Variants in PCDHGA9 observed in about 807,000 individuals in gnomAD.
The protein encoded by PCDHGA9 is protocadherin gamma subfamily A, 9.
A neutral mutation model predicts 62.5 loss-of-function variants in PCDHGA9; 37 were observed. That is an observed-to-expected ratio of 0.59 (90% CI 0.46 to 0.78). The LOEUF (loss-of-function observed/expected upper bound fraction) is 0.78. Among genes scored for constraint, PCDHGA9 ranks in the 30% least tolerant of loss-of-function variants. PCDHGA9 has a pLI of 0.00. For missense variants in PCDHGA9, 1,138 were observed against 1,166.2 expected, an observed-to-expected ratio of 0.98 and a Z score of 0.35; for synonymous variants, 459 against 484.6, an observed-to-expected ratio of 0.95 and a Z score of 0.69.
intron 1 of PCDHGA9, chr5:141,418,640 A>G (rs1042874136): frequency 1.2e-6 from 2 of 1,614,042 alleles, no homozygotes; most frequent in Non-Finnish European, 1.7e-6. Flanking sequence ...AGGCACCTCC[A>G]TCCTGAGAGT....
chr5:141,490,405 ATC>A lies in PCDHGA9; in HGVS notation c.2425-4397_2425-4396del, dbSNP rs765446736. 1 of 1,614,142 alleles carries A rather than the reference ATC, an allele frequency of 6.2e-7. No individual in the cohort carries two copies. The highest frequency in any genetic ancestry group is 8.5e-7 in the Non-Finnish European group (1 of 1,180,028). ...TAGAAATGGTGAAGTGAGCCTTGATATCTCTCCGGACCTGCCATTTCAGATTA... is the reference window on the plus strand; with the variant it reads ...TAGAAATGGTGAAGTGAGCCTTGATATCTCCGGACCTGCCATTTCAGATTA... On this transcript the variant is annotated intron_variant, in intron 1 of 3. Transcript: ENST00000573521. The surrounding 1 kb of genome is among the most constrained non-coding windows in gnomAD (Gnocchi z 5.4).
chr5:141,410,068 C>A, intron 1 of PCDHGA9: 1 of 1,612,950 alleles, frequency 6.2e-7, no homozygotes. Context: ...TGGGGCTGCG[C>A]ACTGGGGAGG....
At position 141,490,181 on chromosome 5, in the gene PCDHGA9, G is replaced by A. The variant is rs755899660; in HGVS notation, c.2425-4626G>A. ...GGTCCCATAGACTTTGAGGAGTCACGTTTCTATGAAATTCATGCAAGAGCC... is the reference window on the plus strand; with the variant it reads ...GGTCCCATAGACTTTGAGGAGTCACATTTCTATGAAATTCATGCAAGAGCC... On this transcript the variant is annotated intron_variant, in intron 1 of 3. Coordinates refer to ENST00000573521, the MANE Select transcript of PCDHGA9 (RefSeq NM_018921.3). This position sits in a 1 kb window ranked among gnomAD's most constrained non-coding sequence, Gnocchi z 5.4. The A allele has an allele frequency of 9.9e-6, 16 of 1,614,200 alleles. No homozygotes were observed. Among genetic ancestry groups the A allele is most frequent in the Middle Eastern group, 1.6e-4 (1 of 6,062 alleles).
rs746046310 is a variant in PCDHGA9, at chr5:141,410,427, A to C, written c.2424+5051A>C. The C allele has an allele frequency of 1.9e-6, 3 of 1,613,714 alleles. No homozygotes were observed. The Admixed American group carries it at 5.0e-5, about 27-fold the overall frequency. On this transcript the variant is annotated intron_variant, in intron 1 of 3. Coordinates refer to ENST00000573521, the MANE Select transcript of PCDHGA9 (RefSeq NM_018921.3). ...AAGTCTGGACCTGTAGTTCCCCCCA[A>C]CTACAGTGAGGGGACTTTGCCTTAT...
At chr5:141,501,290 TACACACACACACACAC>T (rs55762287) in intron 2 of PCDHGA9, among the ~76,000 whole-genome samples, 7 of 136,164 alleles carry the variant, frequency 5.1e-5, no homozygotes, top group South Asian at 2.4e-4. Context: ...TATTCCCTTA[TACACACACACACACAC>T]ACACACACAC....
At chr5:141,507,809 C>G (rs866898784) in intron 3 of PCDHGA9, among the ~76,000 whole-genome samples, 1 of 152,206 alleles carries the variant, frequency 6.6e-6, no homozygotes, top group Non-Finnish European at 1.5e-5. Context: ...CCCTGGGGAA[C>G]GGACCCTGGG....
chr5:141,418,236 T>C, intron 1 of PCDHGA9: 8 of 1,614,030 alleles, frequency 5.0e-6, no homozygotes, highest in Non-Finnish European at 6.8e-6. Flanking sequence ...ATTGAGGATG[T>C]TAATGACCAC....
intron 1 of PCDHGA9, chr5:141,421,424 G>A: frequency 6.2e-7 from 1 of 1,614,092 alleles, no homozygotes. Context: ...CGCGGAGTCC[G>A]CATCGTCTCC....
rs1377998886 is a variant in PCDHGA9 at position 141,403,591 on chromosome 5, G to A, written c.639G>A (p.Thr213=). 2.5e-6 allele frequency: 4 copies of A among 1,613,836 alleles called. No homozygotes were observed. Among genetic ancestry groups the A allele is most frequent in the East Asian group, 2.2e-5 (1 of 44,848 alleles). ...EEATAHHLVL[T]ASDGGEPRRS... The stretch of plus-strand genomic sequence containing the variant: ...CAACTGCCCACCACCTGGTCCTCAC[G>A]GCCTCGGATGGCGGCGAGCCGCGTC... Residue 213 remains threonine, a synonymous_variant, in exon 1 of 4, where the codon ACG becomes ACA. Coordinates refer to ENST00000573521, the MANE Select transcript of PCDHGA9 (RefSeq NM_018921.3).
Position 141,511,256 on chromosome 5 carries a change from TTCAGGGC to T in PCDHGA9, c.*85_*91del. 6.4e-7 allele frequency: 1 copy of T among 1,563,506 alleles called. No individual in the cohort carries two copies. Among genetic ancestry groups the T allele is most frequent in the Non-Finnish European group, 8.7e-7 (1 of 1,154,422 alleles). The stretch of plus-strand genomic sequence containing the variant: ...CTTACCTGCACCCAGGCCTCAGAGT[TTCAGGGC>T]TAACCCCCAGAATACTGGTAGGGGC... On this transcript the variant is annotated 3_prime_UTR_variant, in exon 4 of 4. Coordinates refer to ENST00000573521, the MANE Select transcript of PCDHGA9 (RefSeq NM_018921.3).
intron 1 of PCDHGA9, among the ~76,000 whole-genome samples, chr5:141,460,912 G>GTATA (rs34683754): frequency 4.0e-5 from 6 of 149,324 alleles, no homozygotes; most frequent in South Asian, 2.1e-4. Context: ...ATTCCATGGT[G>GTATA]TATATATATA....
At chr5:141,448,710 G>T (rs897054829) in intron 1 of PCDHGA9, among the ~76,000 whole-genome samples, 1 of 152,162 alleles carries the variant, frequency 6.6e-6, no homozygotes, top group Non-Finnish European at 1.5e-5. Flanking sequence ...GGAGGCCGAG[G>T]CGGGAGGATC....
chr5:141,403,026 AGGCCAG>A lies in PCDHGA9; in HGVS notation c.81_86del (p.Arg27_Ala28del). On this transcript the variant is annotated inframe_deletion, in exon 1 of 4. Coordinates refer to ENST00000573521, the MANE Select transcript of PCDHGA9 (RefSeq NM_018921.3). ...TGCTCGCTCCTGGGGATGCTATGGG[AGGCCAG>A]GGCCAGTCAGATTCGCTACTCAGTG... The A allele has an allele frequency of 6.2e-7, 1 of 1,614,074 alleles. No homozygotes were observed. The highest frequency in any genetic ancestry group is 8.5e-7 in the Non-Finnish European group (1 of 1,179,906).
chr5:141,428,459 A>C, intron 1 of PCDHGA9: 2 of 350,154 alleles, frequency 5.7e-6, no homozygotes, highest in Non-Finnish European at 5.5e-6. Context: ...CCCAACTACA[A>C]TGAGGGAACT....
chr5:141,416,728 T>C (rs2096057160), intron 1 of PCDHGA9: 1 of 152,232 alleles, frequency 6.6e-6, no homozygotes, highest in Non-Finnish European at 1.5e-5. Context: ...GTTCATTTAG[T>C]TCAATGAAAA....
At chr5:141,427,557 A>G (rs1437024906) in intron 1 of PCDHGA9, 1 of 650,060 alleles carries the variant, frequency 1.5e-6, no homozygotes, top group Non-Finnish European at 2.8e-6. Flanking sequence ...TGCCACTGAC[A>G]AGGGCAAGCC....
At position 141,490,742 on chromosome 5, in the gene PCDHGA9, C is replaced by A. The variant is rs1281337347; in HGVS notation, c.2425-4065C>A. 1.2e-6 allele frequency: 2 copies of A among 1,614,062 alleles called. No homozygotes were observed. Among genetic ancestry groups the A allele is most frequent in the Non-Finnish European group, 1.7e-6 (2 of 1,180,022 alleles). On this transcript the variant is annotated intron_variant, in intron 1 of 3. Coordinates refer to ENST00000573521, the MANE Select transcript of PCDHGA9 (RefSeq NM_018921.3). This position sits in a 1 kb window ranked among gnomAD's most constrained non-coding sequence, Gnocchi z 5.4. ...ATTGTAGGAAATCAGGTTCAGGGAGCCCCAGCCTCCTCCTTTGTGTATGTC... is the reference window on the plus strand; with the variant it reads ...ATTGTAGGAAATCAGGTTCAGGGAGACCCAGCCTCCTCCTTTGTGTATGTC...
Position 141,431,858 on chromosome 5 carries a change from G to A in PCDHGA9, c.2424+26482G>A, listed in dbSNP as rs1421209596. The A allele has an allele frequency of 1.1e-5, 17 of 1,614,198 alleles. No individual in the cohort carries two copies. Among genetic ancestry groups the A allele is most frequent in the Non-Finnish European group, 1.4e-5 (17 of 1,180,020 alleles). On this transcript the variant is annotated intron_variant, in intron 1 of 3. Coordinates refer to ENST00000573521, the MANE Select transcript of PCDHGA9 (RefSeq NM_018921.3). The surrounding 1 kb of genome is among the most constrained non-coding windows in gnomAD (Gnocchi z 4.8). ...AAACTCTCCCAGAGGGACATTAATTGCCCTTTTAAATGTAAATGACCAAGA... is the reference window on the plus strand; with the variant it reads ...AAACTCTCCCAGAGGGACATTAATTACCCTTTTAAATGTAAATGACCAAGA...
Position 141,490,693 on chromosome 5 carries a change from G to C in PCDHGA9, c.2425-4114G>C. 2 of 1,614,170 alleles carry C rather than the reference G, an allele frequency of 1.2e-6. No homozygotes were observed. Among genetic ancestry groups the C allele is most frequent in the Non-Finnish European group, 1.7e-6 (2 of 1,180,018 alleles). ...GGCTGCCTCAGATCCAGACACTGGG[G>C]ATAATGCCCGCCTCACCTACTCCAT... is the stretch of plus-strand genomic sequence containing the variant. On this transcript the variant is annotated intron_variant, in intron 1 of 3. Coordinates refer to ENST00000573521, the MANE Select transcript of PCDHGA9 (RefSeq NM_018921.3). This position sits in a 1 kb window ranked among gnomAD's most constrained non-coding sequence, Gnocchi z 5.4.
Sources: allele counts gnomAD v4.1 joint callset (sites outside exome capture counted in the v4.1 genomes callset), GRCh38; gene constraint gnomAD v4.1.1; non-coding constraint Gnocchi (gnomAD v3.1); transcripts MANE v1.5; gene names NCBI Gene and HGNC (gene_info 2026-07-23, HGNC 2026-07-21).